Variants in CHCHD6 observed in about 807,000 individuals in gnomAD.
CHCHD6 encodes the protein coiled-coil-helix-coiled-coil-helix domain containing 6, also known as MICOS complex subunit MIC25.
In CHCHD6, 28 loss-of-function variants were observed where a neutral mutation model predicts 32.3. The ratio of observed to expected loss-of-function variants is 0.87; its 90% CI spans 0.64 to 1.19. CHCHD6 has a LOEUF of 1.19. CHCHD6 is among the 50% of genes most tolerant of loss of function. CHCHD6 has a pLI of 0.00. For missense variants in CHCHD6, 333 were observed against 307.0 expected (o/e 1.08, Z -0.63); for synonymous variants, 122 against 117.5 (o/e 1.04, Z -0.25).
chr3:126,779,943 G>T (rs1270267336), intron 4 of CHCHD6, among the ~76,000 whole-genome samples: 1 of 152,146 alleles, frequency 6.6e-6, no homozygotes, highest in South Asian at 2.1e-4. Context: ...GGTCTTGTGA[G>T]TGCATCAGAG....
intron 4 of CHCHD6, among the ~76,000 whole-genome samples, chr3:126,850,375 C>T (rs948266621): frequency 3.3e-5 from 5 of 152,368 alleles, no homozygotes; most frequent in Middle Eastern, 3.4e-3. Flanking sequence ...ATGTCCTCAA[C>T]GTTTCTTCCT....
chr3:126,738,377 A>G (rs1936145362), intron 4 of CHCHD6, among the ~76,000 whole-genome samples: 1 of 152,222 alleles, frequency 6.6e-6, no homozygotes. Flanking sequence ...CGACTGTATC[A>G]TGACTTTAAG....
chr3:126,765,128 AAAC>A (rs1039498767), intron 4 of CHCHD6, among the ~76,000 whole-genome samples: 5 of 152,216 alleles, frequency 3.3e-5, no homozygotes, highest in African/African-American at 4.8e-5. Flanking sequence ...TAGCAAATGC[AAAC>A]AACAACAACA....
chr3:126,952,654 G>A (rs566345302), intron 6 of CHCHD6, among the ~76,000 whole-genome samples: 1 of 152,328 alleles, frequency 6.6e-6, no homozygotes, highest in African/African-American at 2.4e-5. Flanking sequence ...AGGAGAAGCT[G>A]CTGTGGCCTG....
chr3:126,907,877 C>A (rs1043421704), intron 5 of CHCHD6, among the ~76,000 whole-genome samples: 6 of 152,130 alleles, frequency 3.9e-5, no homozygotes, highest in African/African-American at 1.2e-4. Context: ...TATTTTTCTT[C>A]CCAAGGGACA....
chr3:126,801,877 A>C (rs1939093856), intron 4 of CHCHD6, among the ~76,000 whole-genome samples: 1 of 152,324 alleles, frequency 6.6e-6, no homozygotes, highest in South Asian at 2.1e-4. Flanking sequence ...TTCCAGAGGA[A>C]CGATCAGACA....
At chr3:126,831,733 G>A (rs17693995) in intron 4 of CHCHD6, among the ~76,000 whole-genome samples, 23,913 of 152,230 alleles carry the variant, frequency 0.16, 2,493 homozygotes, top group Non-Finnish European at 0.24. Context: ...ATTTCCGTGC[G>A]AAAGGGGAGA....
intron 4 of CHCHD6, among the ~76,000 whole-genome samples, chr3:126,798,614 T>TG (rs5852491): frequency 0.93 from 141,573 of 152,276 alleles, 65,916 homozygotes; most frequent in East Asian, 1. Flanking sequence ...GCTCTGTGGC[T>TG]TGGAGCTGCT....
At chr3:126,833,266 G>T (rs1015670731) in intron 4 of CHCHD6, among the ~76,000 whole-genome samples, 6 of 152,136 alleles carry the variant, frequency 3.9e-5, no homozygotes, top group African/African-American at 1.4e-4. Context: ...GAAGTTGGGG[G>T]TACATTTCAT....
At chr3:126,758,861 G>A (rs754374419) in intron 4 of CHCHD6, among the ~76,000 whole-genome samples, 9 of 152,170 alleles carry the variant, frequency 5.9e-5, no homozygotes, top group African/African-American at 9.7e-5. Flanking sequence ...TCTACCCTGC[G>A]TCACTTATGT....
At chr3:126,796,722 A>G (rs926350847) in intron 4 of CHCHD6, among the ~76,000 whole-genome samples, 1 of 152,238 alleles carries the variant, frequency 6.6e-6, no homozygotes, top group South Asian at 2.1e-4. Flanking sequence ...TTAGTGGGCC[A>G]TGGAGATGGC....
intron 1 of CHCHD6, among the ~76,000 whole-genome samples, chr3:126,714,559 G>A (rs369672723): frequency 7.2e-5 from 11 of 152,128 alleles, no homozygotes; most frequent in African/African-American, 2.4e-4. Flanking sequence ...CTGGGGTGTC[G>A]GGCATCGGGG....
intron 4 of CHCHD6, among the ~76,000 whole-genome samples, chr3:126,794,520 T>G (rs891380025): frequency 6.6e-6 from 1 of 151,678 alleles, no homozygotes; most frequent in Non-Finnish European, 1.5e-5. Context: ...TCTTATTTTT[T>G]AAATTGGGTT....
At chr3:126,863,211 TACC>T (rs1942025035) in intron 5 of CHCHD6, among the ~76,000 whole-genome samples, 1 of 14,736 alleles carries the variant, frequency 6.8e-5, no homozygotes. Context: ...CCTTCCCCTC[TACC>T]ACCATCACCA....
chr3:126,817,549 C>A (rs1939957749), intron 4 of CHCHD6, among the ~76,000 whole-genome samples: 1 of 152,184 alleles, frequency 6.6e-6, no homozygotes, highest in Non-Finnish European at 1.5e-5. Context: ...CCTGCAGAAC[C>A]CCCGCTCCCC....
intron 4 of CHCHD6, among the ~76,000 whole-genome samples, chr3:126,804,085 G>C (rs2107692216): frequency 6.6e-6 from 1 of 152,020 alleles, no homozygotes; most frequent in East Asian, 1.9e-4. Flanking sequence ...GAAATTTATA[G>C]CACTAAATGC....
At chr3:126,742,689 C>T (rs897911920) in intron 4 of CHCHD6, among the ~76,000 whole-genome samples, 6 of 152,130 alleles carry the variant, frequency 3.9e-5, no homozygotes, top group African/African-American at 1.4e-4. Flanking sequence ...CACTCAGCCC[C>T]CTCACCACTT....
chr3:126,757,610 A>G (rs1202103677), intron 4 of CHCHD6, among the ~76,000 whole-genome samples: 1 of 152,230 alleles, frequency 6.6e-6, no homozygotes, highest in Non-Finnish European at 1.5e-5. Context: ...GTGCATAGAT[A>G]TCTTGAGGTA....
intron 4 of CHCHD6, among the ~76,000 whole-genome samples, chr3:126,792,938 A>G (rs1160129886): frequency 1.3e-5 from 2 of 152,176 alleles, no homozygotes; most frequent in African/African-American, 2.4e-5. Context: ...GTGCATACGC[A>G]TTAAGATTGT....
Sources: allele counts gnomAD v4.1 joint callset (sites outside exome capture counted in the v4.1 genomes callset), GRCh38; gene constraint gnomAD v4.1.1; transcripts MANE v1.5; gene names NCBI Gene and HGNC (gene_info 2026-07-23, HGNC 2026-07-21).